LAMTOR4: variants seen among roughly 807,000 people sequenced by gnomAD.
The protein encoded by LAMTOR4 is late endosomal/lysosomal adaptor, MAPK and MTOR activator 4, also known as ragulator complex protein LAMTOR4.
Under a neutral mutation model 13.5 loss-of-function variants are expected in LAMTOR4, and 11 were observed. The observed-to-expected ratio is 0.82, with a 90% CI of 0.51 to 1.35. The LOEUF (loss-of-function observed/expected upper bound fraction) is 1.35. Ranked by LOEUF, LAMTOR4 falls within the 40% of genes most tolerant of loss-of-function variation. LAMTOR4 has a pLI of 0.00. For missense variants in LAMTOR4, 128 were observed against 126.2 expected (o/e 1.01, Z -0.07); for synonymous variants, 69 against 52.3 (o/e 1.32, Z -1.38).
At chr7:100,153,563 G>C (rs760110999) in intron 3 of LAMTOR4, 46 bp downstream of exon 3, 1 of 1,506,504 alleles carries the variant, frequency 6.6e-7, no homozygotes, top group Non-Finnish European at 9.2e-7. Context: ...GGAGCGGGGG[G>C]CTACTTCCAG....
intron 1 of LAMTOR4, 170 bp from the exon 2 acceptor site, chr7:100,149,329 A>G: frequency 1.6e-6 from 1 of 641,240 alleles, no homozygotes; most frequent in Non-Finnish European, 2.8e-6. Flanking sequence ...AGGCTCGGGA[A>G]GATCAGTATT....
chr7:100,153,495 T>C lies in LAMTOR4; in HGVS notation c.180T>C (p.Asn60=). The C allele has an allele frequency of 6.2e-7, 1 of 1,608,282 alleles. No homozygotes were observed. Among genetic ancestry groups the C allele is most frequent in the East Asian group, 2.2e-5 (1 of 44,878 alleles). Residue 60 remains asparagine, a synonymous_variant, in exon 3 of 4, where the codon AAT becomes AAC. Coordinates refer to ENST00000341942, the MANE Select transcript of LAMTOR4 (RefSeq NM_001008395.4). ...GTTTCCGGCTGCACCGCGGCATGAA[T>C]GTGCCCTTCAAGCGCCTGTCTGGTG... ...ACGFRLHRGM[N]VPFKRLSVVF...
chr7:100,153,929 A>T lies in LAMTOR4; in HGVS notation c.265A>T (p.Arg89Trp). ...AGGACAGAGGGTGTTTGTGGTGAAG[A>T]GGCAGAACCGAGGTCGGGAGCCCAT... ...VSGQRVFVVKRQNRGREPIDV is the reference protein window; with the variant it reads ...VSGQRVFVVKWQNRGREPIDV Residue 89 changes from arginine (R) to tryptophan (W), a missense_variant, in exon 4 of 4, where the codon AGG (arginine) becomes TGG (tryptophan). Transcript: ENST00000341942. The T allele has an allele frequency of 6.3e-7, 1 of 1,595,500 alleles. No homozygotes were observed. The highest frequency in any genetic ancestry group is 8.5e-7 in the Non-Finnish European group (1 of 1,171,732).
chr7:100,149,174 G>A (rs947572808), intron 1 of LAMTOR4, 199 bp downstream of exon 1: 4 of 684,578 alleles, frequency 5.8e-6, no homozygotes, highest in South Asian at 5.6e-5. Context: ...GGGGCTGCGG[G>A]TAGTCTGCAG....
At chr7:100,151,233 C>G (rs1324070794) in intron 2 of LAMTOR4, among the ~76,000 whole-genome samples, 3 of 151,642 alleles carry the variant, frequency 2.0e-5, no homozygotes, top group Non-Finnish European at 4.4e-5. Context: ...CACCACCATG[C>G]CCAGCTAATT....
intron 3 of LAMTOR4, 113 bp downstream of exon 3, chr7:100,153,630 G>A: frequency 2.0e-6 from 2 of 984,322 alleles, no homozygotes. Flanking sequence ...TCTCTGGTCT[G>A]GCCACTTTCC....
In LAMTOR4 at chr7:100,149,053, G is replaced by C. The variant is rs1028757360; in HGVS notation, c.3+78G>C. 5.8e-6 allele frequency: 9 copies of C among 1,547,648 alleles called. 1 individual carries two copies. The South Asian group carries it at 5.9e-5, about 10-fold the overall frequency. ...TCCCCAGTCTGTGTGGTTTCCCCCT[G>C]GTGGGCCTGCGCTCCACCCTCACCT... On this transcript the variant is annotated intron_variant, in intron 1 of 3. Transcript: ENST00000341942.
intron 2 of LAMTOR4, among the ~76,000 whole-genome samples, chr7:100,151,591 T>C (rs1464788773): frequency 6.6e-6 from 1 of 151,908 alleles, no homozygotes; most frequent in East Asian, 1.9e-4. Context: ...GGTTTCACCA[T>C]GTTAGCCAGG....
At chr7:100,153,603 C>T in intron 3 of LAMTOR4, 86 bp downstream of exon 3, 1 of 1,171,908 alleles carries the variant, frequency 8.5e-7, no homozygotes, top group Non-Finnish European at 1.3e-6. Flanking sequence ...CTTCCAGCCT[C>T]CTACCATCTC....
At chr7:100,153,150 GAAAA>G (rs371476464) in intron 2 of LAMTOR4, among the ~76,000 whole-genome samples, 1 of 114,570 alleles carries the variant, frequency 8.7e-6, no homozygotes, top group Admixed American at 8.8e-5. Context: ...TCTCAAAAAA[GAAAA>G]AAAAAAAAAA....
chr7:100,152,475 A>T (rs1164536628), intron 2 of LAMTOR4, among the ~76,000 whole-genome samples: 1 of 152,210 alleles, frequency 6.6e-6, no homozygotes, highest in Non-Finnish European at 1.5e-5. Context: ...ATAAGGTGAA[A>T]TTTGATGGCC....
At chr7:100,152,571 A>T (rs547018179) in intron 2 of LAMTOR4, 4 of 152,414 alleles carry the variant, frequency 2.6e-5, no homozygotes, top group East Asian at 1.9e-4. Flanking sequence ...GTGGAGGCCC[A>T]TATCAAGGAA....
At chr7:100,150,168 T>C (rs527593691) in intron 2 of LAMTOR4, among the ~76,000 whole-genome samples, 1 of 152,226 alleles carries the variant, frequency 6.6e-6, no homozygotes, top group East Asian at 1.9e-4. Flanking sequence ...AGCCACCACG[T>C]CTGGCCTTTA....
chr7:100,151,474 C>T lies in LAMTOR4; in HGVS notation c.84+1895C>T, dbSNP rs561135754. 5.9e-5 allele frequency among the ~76,000 whole-genome samples: 9 copies of T among 151,274 alleles called. No homozygotes were observed. The South Asian group carries it at 8.4e-4, about 14-fold the overall frequency. ...TGCAGTCTCCCCTCACTGCAAGCTC[C>T]GCCTCCCGGGTTCACGCCATTCTCC... On this transcript the variant is annotated intron_variant, in intron 2 of 3. Transcript: ENST00000341942.
chr7:100,151,407 G>A (rs1466125843), intron 2 of LAMTOR4, among the ~76,000 whole-genome samples: 1 of 149,906 alleles, frequency 6.7e-6, no homozygotes, highest in East Asian at 2.0e-4. Flanking sequence ...TGTTTTTTTT[G>A]AGACGGAGTC....
At chr7:100,150,743 T>TG (rs750254153) in intron 2 of LAMTOR4, among the ~76,000 whole-genome samples, 8 of 151,962 alleles carry the variant, frequency 5.3e-5, no homozygotes, top group Non-Finnish European at 8.8e-5. Flanking sequence ...TCTAGCACTT[T>TG]GGGAGGCCAA....
rs1059880 is a variant in LAMTOR4 at position 100,154,068 on chromosome 7, C to A, written c.*104C>A. ...GGCTTGCTGCTAGAACTAGGGCCTT[C>A]TGCTCGCCCACCTCCCACCCCTACC... On this transcript the variant is annotated 3_prime_UTR_variant, in exon 4 of 4. Coordinates refer to ENST00000341942, the MANE Select transcript of LAMTOR4 (RefSeq NM_001008395.4). 2.1e-5 allele frequency: 18 copies of A among 857,818 alleles called. No homozygotes were observed. Among genetic ancestry groups the A allele is most frequent in the Non-Finnish European group, 3.4e-5 (18 of 524,702 alleles). The allele number at this position is 857,818 out of a possible 1,614,324, so 53.1% of individuals were successfully genotyped here.
chr7:100,154,007 G>A lies in LAMTOR4; in HGVS notation c.*43G>A, dbSNP rs11540424. 14 of 1,470,816 alleles carry A rather than the reference G, an allele frequency of 9.5e-6. No individual in the cohort carries two copies. Among genetic ancestry groups the A allele is most frequent in the Non-Finnish European group, 1.3e-5 (14 of 1,072,276 alleles). The allele number at this position is 1,470,816 out of a possible 1,614,324, so 91.1% of individuals were successfully genotyped here. ...GGTCGGAGAAGCGGATTGGGTCCTG[G>A]GCCTCTGTGATGAGGCAGGCACACC... On this transcript the variant is annotated 3_prime_UTR_variant, in exon 4 of 4. Transcript: ENST00000341942.
chr7:100,152,729 A>G (rs1798742518), intron 2 of LAMTOR4: 2 of 152,452 alleles, frequency 1.3e-5, no homozygotes, highest in South Asian at 4.1e-4. Context: ...AGCAAGTGTG[A>G]AGACAGAAAA....
Sources: gnomAD v4.1 joint callset for allele counts (sites outside exome capture counted in the v4.1 genomes callset) on GRCh38, gnomAD v4.1.1 for gene constraint, MANE v1.5 for transcripts, NCBI Gene and HGNC (gene_info 2026-07-23, HGNC 2026-07-21) for gene names.